Variants in ABL2 observed in about 807,000 individuals in gnomAD.
ABL2 encodes the protein tyrosine-protein kinase ABL2.
Under a neutral mutation model 107.7 loss-of-function variants are expected in ABL2, and 49 were observed. The ratio of observed to expected loss-of-function variants is 0.45; its 90% CI spans 0.36 to 0.58. The LOEUF (loss-of-function observed/expected upper bound fraction) is 0.58, where lower values mean the gene tolerates loss of function less well. ABL2 is among the 20% of genes least tolerant of loss of function. The pLI is 0.00. For synonymous variants in ABL2, 549 were observed against 548.6 expected (o/e 1.00, Z -0.01); for missense variants, 1,245 against 1,457.0 (o/e 0.85, Z 2.37).
At chr1:179,213,061 A>AG (rs35417665) in intron 1 of ABL2, among the ~76,000 whole-genome samples, 45,900 of 148,238 alleles carry the variant, frequency 0.31, 7,812 homozygotes, top group East Asian at 0.42. Context: ...AAAAAAAAAA[A>AG]AAAGAAATAT....
rs1655226004 is a variant in ABL2 at position 179,121,828 on chromosome 1, C to T, written c.727G>A (p.Glu243Lys). 6.2e-7 allele frequency: 1 copy of T among 1,613,442 alleles called. No homozygotes were observed. Among genetic ancestry groups the T allele is most frequent in the African/African-American group, 1.3e-5 (1 of 74,730 alleles). ...TAESRFSTLA[E>K]LVHHHSTVAD... ...ACTGTGGAGTGATGGTGTACAAGCT[C>T]TGCCAAGGTGCTGAAGCGGCTCTCA... Residue 243 changes from glutamate (E) to lysine (K), a missense_variant, in exon 5 of 12, where the codon GAG (glutamate) becomes AAG (lysine). By Grantham distance (56) the Glu-to-Lys change is moderately conservative (BLOSUM62 1). Around this residue, in one of 3 missense-constraint regions of ABL2, gnomAD observed 320 missense variants for 547.0 expected, o/e 0.59. Coordinates refer to ENST00000502732, the MANE Select transcript of ABL2 (RefSeq NM_007314.4).
At chr1:179,128,363 A>C (rs1219310882) in intron 3 of ABL2, among the ~76,000 whole-genome samples, 1 of 152,162 alleles carries the variant, frequency 6.6e-6, no homozygotes, top group African/African-American at 2.4e-5. Context: ...GAATCCTGCT[A>C]GAAAAACTGA....
intron 1 of ABL2, among the ~76,000 whole-genome samples, chr1:179,139,369 C>T (rs986072580): frequency 5.3e-5 from 8 of 152,018 alleles, no homozygotes; most frequent in Admixed American, 6.6e-5. Flanking sequence ...AGCGAGACCA[C>T]GAACTCACCA....
rs979898968 is a variant in ABL2, at chr1:179,229,660, C to G, written c.-263G>C. The G allele has an allele frequency of 8.3e-6, 4 of 483,726 alleles. No homozygotes were observed. Among genetic ancestry groups the G allele is most frequent in the Non-Finnish European group, 1.4e-5 (4 of 278,872 alleles). 30.0% of individuals were successfully genotyped at this position (483,726 alleles called of 1,614,324 possible). ...CCGCCGCCGCCGCCGCCGCCACCGC[C>G]GCCGCCATCTTTAAACCACCGAGCG... On this transcript the variant is annotated 5_prime_UTR_variant, in exon 1 of 12. Coordinates refer to ENST00000502732, the MANE Select transcript of ABL2 (RefSeq NM_007314.4).
At chr1:179,200,483 A>G (rs542971517) in intron 1 of ABL2, among the ~76,000 whole-genome samples, 9 of 152,366 alleles carry the variant, frequency 5.9e-5, no homozygotes, top group African/African-American at 1.7e-4. Context: ...AAAGTTAAAC[A>G]GAAGTTTTTC....
chr1:179,099,616 G>C lies in ABL2; in HGVS notation c.*8102C>G. The C allele has an allele frequency of 4.3e-6, 1 of 231,078 alleles. No homozygotes were observed. The highest frequency in any genetic ancestry group is 6.1e-5 in the East Asian group (1 of 16,318). The allele number at this position is 231,078 out of a possible 1,614,324, so 14.3% of individuals were successfully genotyped here. A position where few individuals can be genotyped will look rare whatever the true frequency, so the allele number is the denominator to read the frequency against. ...CACATTGTCTCACTATGTCCCCTTAGCAATGCACACAGTGCCCGATGCTCC... is the reference window on the plus strand; with the variant it reads ...CACATTGTCTCACTATGTCCCCTTACCAATGCACACAGTGCCCGATGCTCC... On this transcript the variant is annotated 3_prime_UTR_variant, in exon 12 of 12. Transcript: ENST00000502732.
intron 1 of ABL2, among the ~76,000 whole-genome samples, chr1:179,177,802 A>G (rs1660135193): frequency 6.6e-6 from 1 of 152,158 alleles, no homozygotes; most frequent in Non-Finnish European, 1.5e-5. Flanking sequence ...AACTTCTCAT[A>G]CCTCAGTCAT....
At chr1:179,184,488 A>C in intron 1 of ABL2, 1 of 793,486 alleles carries the variant, frequency 1.3e-6, no homozygotes, top group Non-Finnish European at 2.1e-6. Context: ...TATGTTAGGA[A>C]AGTTCATCAA....
intron 1 of ABL2, among the ~76,000 whole-genome samples, chr1:179,173,575 C>T (rs1437330554): frequency 1.3e-5 from 2 of 151,986 alleles, no homozygotes; most frequent in East Asian, 3.9e-4. Context: ...TAGTCTCGAT[C>T]TCCTGACCTC....
At chr1:179,190,447 T>C (rs1049909261) in intron 1 of ABL2, among the ~76,000 whole-genome samples, 2 of 152,166 alleles carry the variant, frequency 1.3e-5, no homozygotes, top group South Asian at 2.1e-4. Flanking sequence ...GGAACTTCCA[T>C]GTGTTCAGCT....
chr1:179,126,440 G>A lies in ABL2; in HGVS notation c.624C>T (p.Ser208=). 6.2e-7 allele frequency: 1 copy of A among 1,614,194 alleles called. No individual in the cohort carries two copies. Among genetic ancestry groups the A allele is most frequent in the Non-Finnish European group, 8.5e-7 (1 of 1,180,048 alleles). ...CACGTCCCTCGTACCTGAGCGAGAT[G>A]GACAGCTGCCCAGGGCTACTCTCAC... ...RESESSPGQL[S]ISLRYEGRVY... Residue 208 remains serine (S), a synonymous_variant, in exon 4 of 12, where the codon TCC becomes TCT. Coordinates refer to ENST00000502732, the MANE Select transcript of ABL2 (RefSeq NM_007314.4). This position sits in a 1 kb window ranked among gnomAD's most constrained non-coding sequence, Gnocchi z 4.4.
chr1:179,151,198 A>C (rs1658340282), intron 1 of ABL2, among the ~76,000 whole-genome samples: 2 of 152,212 alleles, frequency 1.3e-5, no homozygotes, highest in African/African-American at 4.8e-5. Context: ...ACTATAGTTA[A>C]AGAGGATAGT....
At chr1:179,182,505 GA>G (rs1223533860) in intron 1 of ABL2, among the ~76,000 whole-genome samples, 1 of 152,128 alleles carries the variant, frequency 6.6e-6, no homozygotes, top group Non-Finnish European at 1.5e-5. Context: ...AGTAATCAGA[GA>G]AGATCTTCCA....
intron 1 of ABL2, among the ~76,000 whole-genome samples, chr1:179,205,728 G>A (rs569078115): frequency 6.6e-6 from 1 of 152,214 alleles, no homozygotes; most frequent in Admixed American, 6.5e-5. Flanking sequence ...CGGGTAAGGG[G>A]GATTGTTGTT....
chr1:179,133,511 T>C, intron 1 of ABL2, 137 bp from the exon 2 acceptor site: 6 of 1,369,894 alleles, frequency 4.4e-6, no homozygotes, highest in Non-Finnish European at 5.0e-6. Flanking sequence ...GCTTCGCCTC[T>C]CCCTACTCCA....
Position 179,105,607 on chromosome 1 carries a change from G to A in ABL2, c.*2111C>T, listed in dbSNP as rs1238193405. ...ATCACTAGCTGCCTGTGCTGCAACT[G>A]CAGGTGACATACTGCGGGGATCACC... On this transcript the variant is annotated 3_prime_UTR_variant, in exon 12 of 12. Transcript: ENST00000502732. 9 of 228,336 alleles carry A rather than the reference G, an allele frequency of 3.9e-5. No individual in the cohort carries two copies. The highest frequency in any genetic ancestry group is 7.0e-5 in the Non-Finnish European group (8 of 115,032). The allele number at this position is 228,336 out of a possible 1,614,324, so 14.1% of individuals were successfully genotyped here.
At chr1:179,119,263 C>T (rs554644116) in intron 6 of ABL2, among the ~76,000 whole-genome samples, 11 of 152,208 alleles carry the variant, frequency 7.2e-5, no homozygotes, top group Admixed American at 3.3e-4. Flanking sequence ...AACAAGAGGC[C>T]GGGTGCAGTG....
At chr1:179,134,729 C>CACGGT (rs1656680319) in intron 1 of ABL2, among the ~76,000 whole-genome samples, 2 of 151,788 alleles carry the variant, frequency 1.3e-5, no homozygotes, top group Non-Finnish European at 2.9e-5. Flanking sequence ...TCTCCCTCTC[C>CACGGT]CTCTCCACGG....
In ABL2 at chr1:179,229,279, C is replaced by A. The variant is rs748250030; in HGVS notation, c.119G>T (p.Arg40Leu). The A allele has an allele frequency of 1.3e-6, 2 of 1,564,598 alleles. No individual in the cohort carries two copies. Among genetic ancestry groups the A allele is most frequent in the Non-Finnish European group, 1.7e-6 (2 of 1,156,792 alleles). ...PSGRRRDPAG[R>L]TTETGFNIFT... Reference sequence around the variant, plus strand: ...GATATTGAAGCCGGTCTCTGTGGTGCGCCCCGCCGGGTCCCGCCTGCGGCC... The same window carrying A: ...GATATTGAAGCCGGTCTCTGTGGTGAGCCCCGCCGGGTCCCGCCTGCGGCC... The change falls in exon 1 of 12, where the codon CGC (arginine) becomes CTC (leucine). Residue 40 changes from arginine to leucine, a missense_variant. Physicochemically the swap from Arg to Leu is moderately radical, Grantham distance 102 (BLOSUM62 -2). Transcript: ENST00000502732.
Sources: gnomAD v4.1 joint callset for allele counts (sites outside exome capture counted in the v4.1 genomes callset) on GRCh38, gnomAD v4.1.1 for gene constraint, gnomAD v4.1.1 regional missense constraint, Gnocchi (gnomAD v3.1) non-coding constraint, MANE v1.5 for transcripts, NCBI Gene and HGNC (gene_info 2026-07-23, HGNC 2026-07-21) for gene names.